NRXN1: variants seen among roughly 807,000 people sequenced by gnomAD.
NRXN1 encodes neurexin-1.
In NRXN1, 39 loss-of-function variants were observed where a neutral mutation model predicts 150.9. The ratio of observed to expected loss-of-function variants is 0.26; its 90% CI spans 0.20 to 0.34. NRXN1 has a LOEUF of 0.34. Among genes scored for constraint, NRXN1 ranks in the 10% least tolerant of loss-of-function variants. NRXN1 has a pLI of 1.00. For missense variants in NRXN1, 1,815 were observed against 1,949.9 expected, an observed-to-expected ratio of 0.93 and a Z score of 1.30; for synonymous variants, 924 against 757.0, an observed-to-expected ratio of 1.22 and a Z score of -3.62.
chr2:50,482,224 A>G (rs2090526798), intron 15 of NRXN1, among the ~76,000 whole-genome samples: 2 of 152,164 alleles, frequency 1.3e-5, no homozygotes, highest in South Asian at 4.1e-4. Flanking sequence ...AATGGGAAAT[A>G]ATAAAGTGAA....
At chr2:50,268,899 C>T (rs941667029) in intron 17 of NRXN1, among the ~76,000 whole-genome samples, 1 of 152,096 alleles carries the variant, frequency 6.6e-6, no homozygotes, top group African/African-American at 2.4e-5. Context: ...AGTTGTATAT[C>T]TACGTTAATG....
At chr2:50,829,324 T>G in intron 5 of NRXN1, 2 of 663,720 alleles carry the variant, frequency 3.0e-6, no homozygotes, top group Non-Finnish European at 5.2e-6. Context: ...GAGATGGGGT[T>G]TCTCCATGTT....
intron 18 of NRXN1, among the ~76,000 whole-genome samples, chr2:50,185,012 A>G (rs1038566505): frequency 6.6e-6 from 1 of 152,052 alleles, no homozygotes; most frequent in South Asian, 2.1e-4. Flanking sequence ...TACACCTTTT[A>G]TTTATCTCAA....
At chr2:50,994,514 A>G (rs1019914156) in intron 2 of NRXN1, among the ~76,000 whole-genome samples, 1 of 152,054 alleles carries the variant, frequency 6.6e-6, no homozygotes, top group Non-Finnish European at 1.5e-5. Context: ...CAGAATGTAC[A>G]TGCCAAGGAT....
intron 5 of NRXN1, among the ~76,000 whole-genome samples, chr2:50,760,695 C>G (rs1701706782): frequency 6.6e-6 from 1 of 151,514 alleles, no homozygotes; most frequent in Admixed American, 6.6e-5. Context: ...TAAAAACAAA[C>G]AAAGAAACAA....
intron 15 of NRXN1, among the ~76,000 whole-genome samples, chr2:50,490,839 C>T (rs1044504220): frequency 2.0e-5 from 3 of 152,144 alleles, no homozygotes; most frequent in Non-Finnish European, 4.4e-5. Context: ...CTCTGTGAGG[C>T]CTCATTGCTC....
At chr2:50,048,141 C>G (rs756315509) in intron 21 of NRXN1, among the ~76,000 whole-genome samples, 1 of 152,120 alleles carries the variant, frequency 6.6e-6, no homozygotes, top group Non-Finnish European at 1.5e-5. Context: ...GTTGCTTACA[C>G]GCATTTAAAA....
chr2:50,227,036 G>C (rs2064450792), intron 18 of NRXN1, among the ~76,000 whole-genome samples: 1 of 151,832 alleles, frequency 6.6e-6, no homozygotes, highest in Non-Finnish European at 1.5e-5. Context: ...GACACTTGCT[G>C]CTCGGCATCA....
At chr2:50,597,257 AC>A (rs1558994544) in intron 8 of NRXN1, among the ~76,000 whole-genome samples, 1 of 152,190 alleles carries the variant, frequency 6.6e-6, no homozygotes, top group East Asian at 1.9e-4. Context: ...GAAGAGACTG[AC>A]CCTCTAGCCA....
chr2:50,434,598 C>T (rs912323928), intron 17 of NRXN1, among the ~76,000 whole-genome samples: 2 of 151,818 alleles, frequency 1.3e-5, no homozygotes, highest in Non-Finnish European at 1.5e-5. Context: ...AGAAACAGCA[C>T]GAAATGGGAA....
intron 21 of NRXN1, among the ~76,000 whole-genome samples, chr2:50,038,638 C>T (rs1690416292): frequency 6.6e-6 from 1 of 152,130 alleles, no homozygotes; most frequent in African/African-American, 2.4e-5. Context: ...TAACATGTTT[C>T]TTATTCATAG....
intron 5 of NRXN1, among the ~76,000 whole-genome samples, chr2:50,901,531 C>A (rs571937282): frequency 2.0e-5 from 3 of 151,904 alleles, no homozygotes; most frequent in Non-Finnish European, 4.4e-5. Flanking sequence ...AGCGAGACTC[C>A]GTCCCCGCAA....
At chr2:50,664,513 T>A (rs860861) in intron 5 of NRXN1, among the ~76,000 whole-genome samples, 31,002 of 149,230 alleles carry the variant, frequency 0.21, 3,286 homozygotes, top group African/African-American at 0.25. Context: ...AAAAAAAAAA[T>A]TCTTCTCCAA....
intron 21 of NRXN1, among the ~76,000 whole-genome samples, chr2:50,002,182 T>G (rs1684065445): frequency 6.6e-6 from 1 of 152,076 alleles, no homozygotes; most frequent in Non-Finnish European, 1.5e-5. Flanking sequence ...TCAGACCACA[T>G]GAACTGTGAG....
At chr2:50,335,185 A>G (rs557882705) in intron 17 of NRXN1, among the ~76,000 whole-genome samples, 90 of 152,316 alleles carry the variant, frequency 5.9e-4, no homozygotes, top group African/African-American at 2.0e-3. Context: ...ACACTCATTT[A>G]TTTTAAGAAA....
chr2:50,101,805 A>T (rs1314680432), intron 18 of NRXN1, among the ~76,000 whole-genome samples: 3 of 152,008 alleles, frequency 2.0e-5, no homozygotes, highest in Admixed American at 2.0e-4. Flanking sequence ...GCAACCTAAA[A>T]ACAAGAGTGA....
chr2:50,295,521 G>A (rs917292768), intron 17 of NRXN1, among the ~76,000 whole-genome samples: 3 of 152,062 alleles, frequency 2.0e-5, no homozygotes, highest in Non-Finnish European at 4.4e-5. Context: ...TGAATAGAAG[G>A]AATATGAGCA....
chr2:50,598,562 ATGTG>A (rs138387519), intron 8 of NRXN1, among the ~76,000 whole-genome samples: 22 of 147,400 alleles, frequency 1.5e-4, no homozygotes, highest in East Asian at 5.9e-4. Flanking sequence ...GTATATATAT[ATGTG>A]TGTGTGTGTG....
Position 50,053,279 on chromosome 2 carries a change from T to C in NRXN1, c.4120A>G (p.Ile1374Val), listed in dbSNP as rs1693026343. 2 of 1,613,780 alleles carry C rather than the reference T, an allele frequency of 1.2e-6. No individual in the cohort carries two copies. Among genetic ancestry groups the C allele is most frequent in the Admixed American group, 3.3e-5 (2 of 59,980 alleles). ...RRGKPPTKEP[I>V]SQTTDDILVA... is the part of the protein sequence containing the mutation. ...AAAATCCACAGGCTCACCTGGCTAATGGGTTCTTTTGTCGGGGGCTTTCCT... is the reference window on the plus strand; with the variant it reads ...AAAATCCACAGGCTCACCTGGCTAACGGGTTCTTTTGTCGGGGGCTTTCCT... Residue 1374 changes from isoleucine (I) to valine (V), a missense_variant, in exon 21 of 23, where the codon ATT becomes GTT. Physicochemically the swap from Ile to Val is conservative, Grantham distance 29. Coordinates refer to ENST00000401669, the MANE Select transcript of NRXN1 (RefSeq NM_001330078.2).
Sources: allele counts gnomAD v4.1 joint callset (sites outside exome capture counted in the v4.1 genomes callset), GRCh38; gene constraint gnomAD v4.1.1; transcripts MANE v1.5; gene names NCBI Gene and HGNC (gene_info 2026-07-23, HGNC 2026-07-21).